GABRB3: variants seen among roughly 807,000 people sequenced by gnomAD.
The protein encoded by GABRB3 is gamma-aminobutyric acid type A receptor subunit beta3.
Under a neutral mutation model 52.1 loss-of-function variants are expected in GABRB3, and 14 were observed. The ratio of observed to expected loss-of-function variants is 0.27; its 90% confidence interval spans 0.18 to 0.42. GABRB3 has a LOEUF of 0.42. Among genes scored for constraint, GABRB3 ranks in the 10% least tolerant of loss-of-function variants. The pLI is 1.00. For missense variants in GABRB3, 307 were observed against 609.1 expected, an observed-to-expected ratio of 0.50 and a Z score of 5.22; for synonymous variants, 260 against 232.3, an observed-to-expected ratio of 1.12 and a Z score of -1.08.
chr15:26,700,852 G>A (rs561866820), intron 3 of GABRB3, among the ~76,000 whole-genome samples: 7 of 152,170 alleles, frequency 4.6e-5, no homozygotes, highest in Non-Finnish European at 7.3e-5. Context: ...TCAGGAGGTC[G>A]AGACCATCCT....
At chr15:26,685,969 TA>T in intron 3 of GABRB3, among the ~76,000 whole-genome samples, 1 of 152,294 alleles carries the variant, frequency 6.6e-6, no homozygotes, top group South Asian at 2.1e-4. Flanking sequence ...CATGCCCAGC[TA>T]ATTTTTTTAA....
chr15:26,673,187 G>C (rs551860258), intron 3 of GABRB3, among the ~76,000 whole-genome samples: 37 of 152,226 alleles, frequency 2.4e-4, no homozygotes, highest in South Asian at 8.3e-4. Flanking sequence ...AATTCTGCTA[G>C]AAAAAAGTTG....
Position 26,547,335 on chromosome 15 carries a change from A to G in GABRB3, c.*458T>C, listed in dbSNP as rs1889291294. The G allele has an allele frequency of 4.9e-6, 2 of 410,174 alleles. No homozygotes were observed. Among genetic ancestry groups the G allele is most frequent in the Non-Finnish European group, 8.6e-6 (2 of 232,644 alleles). 25.4% of individuals were successfully genotyped at this position (410,174 alleles called of 1,614,324 possible). ...CCACTGTATGAGTTTTCAAAGATTAACTAAGAATGTCTTTCTGATTTTTAA... is the reference window on the plus strand; with the variant it reads ...CCACTGTATGAGTTTTCAAAGATTAGCTAAGAATGTCTTTCTGATTTTTAA... On this transcript the variant is annotated 3_prime_UTR_variant, in exon 9 of 9. Coordinates refer to ENST00000311550, the MANE Select transcript of GABRB3 (RefSeq NM_000814.6).
chr15:26,682,088 A>G (rs1179813259), intron 3 of GABRB3, among the ~76,000 whole-genome samples: 1 of 152,136 alleles, frequency 6.6e-6, no homozygotes, highest in African/African-American at 2.4e-5. Flanking sequence ...CTTTGACTCA[A>G]ATGATTTACC....
chr15:26,744,568 G>T (rs758146453), intron 3 of GABRB3, among the ~76,000 whole-genome samples: 1 of 152,026 alleles, frequency 6.6e-6, no homozygotes, highest in Non-Finnish European at 1.5e-5. Flanking sequence ...TGGGATTACA[G>T]ATGCCTGCCA....
chr15:26,738,545 G>C (rs1170406185), intron 3 of GABRB3, among the ~76,000 whole-genome samples: 1 of 152,160 alleles, frequency 6.6e-6, no homozygotes. Flanking sequence ...CATTGGCAGG[G>C]AAAGCTAAGC....
At chr15:26,572,837 C>G (rs1466031767) in intron 6 of GABRB3, among the ~76,000 whole-genome samples, 1 of 152,208 alleles carries the variant, frequency 6.6e-6, no homozygotes, top group African/African-American at 2.4e-5. Flanking sequence ...GGCACAGTCC[C>G]TGGGCACAAG....
At chr15:26,658,760 T>C (rs2140605891) in intron 3 of GABRB3, 1 of 152,384 alleles carries the variant, frequency 6.6e-6, no homozygotes, top group Middle Eastern at 3.4e-3. Context: ...TGTGATGTAA[T>C]GCTGATTTCC....
At chr15:26,693,837 C>T (rs1357875408) in intron 3 of GABRB3, among the ~76,000 whole-genome samples, 1 of 152,154 alleles carries the variant, frequency 6.6e-6, no homozygotes, top group African/African-American at 2.4e-5. Context: ...TTCCTGGGGG[C>T]CCAGTCTTAG....
In GABRB3 at chr15:26,583,495, AGC is replaced by A. The variant is rs572789242; in HGVS notation, c.462-83_462-82del. On this transcript the variant is annotated intron_variant, in intron 4 of 8. Coordinates refer to ENST00000311550, the MANE Select transcript of GABRB3 (RefSeq NM_000814.6). ...GAGACTCCTCTTAGATAAACGAGTA[AGC>A]CCCTGTGGGAACCCTGCCCAAAGTA... is the stretch of plus-strand genomic sequence containing the variant. The A allele has an allele frequency of 1.5e-3, 1,789 of 1,185,906 alleles. 37 individuals are homozygous for A. In the South Asian group the frequency reaches 0.021, roughly 14 times the overall value. The allele number at this position is 1,185,906 out of a possible 1,614,324, so 73.5% of individuals were successfully genotyped here. A position where few individuals can be genotyped will look rare whatever the true frequency, so the allele number is the denominator to read the frequency against.
chr15:26,624,230 G>A (rs997584037), intron 3 of GABRB3: 35 of 985,536 alleles, frequency 3.6e-5, no homozygotes, highest in African/African-American at 2.1e-4. Context: ...TGGGCGGTGC[G>A]CTGGAACTGA....
At chr15:26,648,279 C>T (rs1887076372) in intron 3 of GABRB3, among the ~76,000 whole-genome samples, 1 of 152,152 alleles carries the variant, frequency 6.6e-6, no homozygotes, top group Admixed American at 6.5e-5. Context: ...AGCATAATAT[C>T]CTTAAGGTTC....
chr15:26,731,050 G>C (rs1395930008), intron 3 of GABRB3, among the ~76,000 whole-genome samples: 1 of 135,194 alleles, frequency 7.4e-6, no homozygotes. Flanking sequence ...TAATGATGCA[G>C]GCTCTCTCAC....
At position 26,726,615 on chromosome 15, in the gene GABRB3, G is replaced by A. The variant is rs550682560; in HGVS notation, c.240+45787C>T. On this transcript the variant is annotated intron_variant, in intron 3 of 8. Coordinates refer to ENST00000311550, the MANE Select transcript of GABRB3 (RefSeq NM_000814.6). ...ATTTAGGATAGCCTGATGTTTCCTCGTGATTCAATTCAAGTTACATATTTT... is the reference window on the plus strand; with the variant it reads ...ATTTAGGATAGCCTGATGTTTCCTCATGATTCAATTCAAGTTACATATTTT... Among the ~76,000 whole-genome samples the A allele has an allele frequency of 5.3e-5, 8 of 152,202 alleles. No individual in the cohort carries two copies. The South Asian group carries it at 6.2e-4, about 12-fold the overall frequency.
At chr15:26,584,919 A>G (rs1256674378) in intron 4 of GABRB3, among the ~76,000 whole-genome samples, 2 of 152,208 alleles carry the variant, frequency 1.3e-5, no homozygotes, top group Non-Finnish European at 2.9e-5. Flanking sequence ...GGCAGAGTGG[A>G]GCTAAAGAGA....
chr15:26,550,029 C>T (rs1889399130), intron 8 of GABRB3: 1 of 152,170 alleles, frequency 6.6e-6, no homozygotes, highest in East Asian at 1.9e-4. Context: ...GTATGTAACC[C>T]TATGCAAAAG....
chr15:26,633,846 G>A (rs1354386021), intron 3 of GABRB3, among the ~76,000 whole-genome samples: 2 of 152,130 alleles, frequency 1.3e-5, no homozygotes, highest in African/African-American at 4.8e-5. Context: ...CTAAACCAAA[G>A]TATAAAAGAA....
At chr15:26,767,426 G>T (rs1891027591) in intron 3 of GABRB3, among the ~76,000 whole-genome samples, 1 of 152,182 alleles carries the variant, frequency 6.6e-6, no homozygotes, top group African/African-American at 2.4e-5. Context: ...GATAGTGTGG[G>T]TGTCCTCACT....
chr15:26,545,602 T>C lies in GABRB3; in HGVS notation c.*2191A>G, dbSNP rs1261941400. The C allele has an allele frequency of 6.6e-6, 1 of 152,542 alleles. No individual in the cohort carries two copies. The highest frequency in any genetic ancestry group is 6.5e-5 in the Admixed American group (1 of 15,274). 9.4% of individuals were successfully genotyped at this position (152,542 alleles called of 1,614,324 possible). ...ATGTGGACCTCACACCTTTAATTAC[T>C]GGATACAGAAAAAGATACCTGAAGT... On this transcript the variant is annotated 3_prime_UTR_variant, in exon 9 of 9. Coordinates refer to ENST00000311550, the MANE Select transcript of GABRB3 (RefSeq NM_000814.6).
Sources: allele counts gnomAD v4.1 joint callset (sites outside exome capture counted in the v4.1 genomes callset), GRCh38; gene constraint gnomAD v4.1.1; transcripts MANE v1.5; gene names NCBI Gene and HGNC (gene_info 2026-07-23, HGNC 2026-07-21).